RIT2: variants seen among roughly 807,000 people sequenced by gnomAD.
RIT2 encodes GTP-binding protein Rit2.
In RIT2, 24 loss-of-function variants were observed where a neutral mutation model predicts 23.7. The ratio of observed to expected loss-of-function variants is 1.01; its 90% CI spans 0.73 to 1.43. The LOEUF (loss-of-function observed/expected upper bound fraction) is 1.43. Ranked by LOEUF, RIT2 falls within the 40% of genes most tolerant of loss-of-function variation. RIT2 has a pLI of 0.00. For synonymous variants in RIT2, 107 were observed against 91.1 expected (o/e 1.17, Z -0.99); for missense variants, 236 against 266.9 (o/e 0.88, Z 0.81).
chr18:42,922,689 C>A (rs1909082114), intron 4 of RIT2, among the ~76,000 whole-genome samples: 1 of 152,024 alleles, frequency 6.6e-6, no homozygotes, highest in South Asian at 2.1e-4. Context: ...AGTGTCTGAC[C>A]AGAAGAGAAG....
intron 1 of RIT2, among the ~76,000 whole-genome samples, chr18:43,048,405 C>T (rs1229207292): frequency 6.6e-6 from 1 of 152,102 alleles, no homozygotes; most frequent in African/African-American, 2.4e-5. Flanking sequence ...AACTGTCAGT[C>T]TGGGAAAATG....
chr18:42,955,573 A>G (rs1350604305), intron 3 of RIT2, among the ~76,000 whole-genome samples: 2 of 152,202 alleles, frequency 1.3e-5, no homozygotes, highest in Admixed American at 6.5e-5. Flanking sequence ...ATAGCAAGTC[A>G]ATGTCAGAGC....
chr18:43,093,808 T>G (rs1913482103), intron 1 of RIT2, among the ~76,000 whole-genome samples: 1 of 152,064 alleles, frequency 6.6e-6, no homozygotes, highest in Non-Finnish European at 1.5e-5. Flanking sequence ...GTACTGACAC[T>G]GACTTGCAGA....
chr18:42,862,252 C>T (rs1907347661), intron 4 of RIT2, among the ~76,000 whole-genome samples: 1 of 151,946 alleles, frequency 6.6e-6, no homozygotes, highest in Non-Finnish European at 1.5e-5. Flanking sequence ...AAAAGTGGCA[C>T]TTCTCCCTTC....
chr18:42,975,264 A>G lies in RIT2; in HGVS notation c.161-1117T>C, dbSNP rs1432315387. Among the ~76,000 whole-genome samples, 3 of 152,224 alleles carry G rather than the reference A, an allele frequency of 2.0e-5. No homozygotes were observed. In the East Asian group the frequency reaches 5.8e-4, roughly 29 times the overall value. ...GTTATCAAAAGTCGTTTCTGCGTCT[A>G]TTGAGATAAATAACCATGTGGATTT... On this transcript the variant is annotated intron_variant, in intron 2 of 4. Coordinates refer to ENST00000326695, the MANE Select transcript of RIT2 (RefSeq NM_002930.4).
At chr18:43,085,542 A>G (rs1221831650) in intron 1 of RIT2, among the ~76,000 whole-genome samples, 5 of 151,830 alleles carry the variant, frequency 3.3e-5, no homozygotes, top group Admixed American at 3.3e-4. Context: ...ACCTTTCTAC[A>G]TTCTGTTTCT....
chr18:43,108,516 C>T (rs970628434), intron 1 of RIT2, among the ~76,000 whole-genome samples: 8 of 152,122 alleles, frequency 5.3e-5, no homozygotes, highest in African/African-American at 1.9e-4. Flanking sequence ...GTAAAGAGCT[C>T]AGCAACATGT....
At chr18:42,753,169 G>A (rs972541555) in intron 4 of RIT2, among the ~76,000 whole-genome samples, 7 of 152,176 alleles carry the variant, frequency 4.6e-5, no homozygotes, top group African/African-American at 1.4e-4. Context: ...AGTGGGAAGC[G>A]GCAAGCATCC....
At chr18:42,892,155 C>A (rs76941560) in intron 4 of RIT2, among the ~76,000 whole-genome samples, 402 of 152,276 alleles carry the variant, frequency 2.6e-3, no homozygotes, top group African/African-American at 8.6e-3. Flanking sequence ...CTCGCCTCCT[C>A]CAATCTACGT....
At chr18:42,984,143 CTG>C (rs1910656393) in intron 2 of RIT2, among the ~76,000 whole-genome samples, 1 of 152,068 alleles carries the variant, frequency 6.6e-6, no homozygotes, top group African/African-American at 2.4e-5. Context: ...TAGCAAAAAA[CTG>C]TACACATAGC....
At chr18:42,836,197 T>G (rs1906598262) in intron 4 of RIT2, among the ~76,000 whole-genome samples, 1 of 152,212 alleles carries the variant, frequency 6.6e-6, no homozygotes, top group Non-Finnish European at 1.5e-5. Context: ...ATCTCATACT[T>G]GACTTTCTTT....
At chr18:42,856,213 G>A (rs1598685189) in intron 4 of RIT2, among the ~76,000 whole-genome samples, 1 of 152,154 alleles carries the variant, frequency 6.6e-6, no homozygotes, top group Admixed American at 6.5e-5. Flanking sequence ...GAAATTGTAT[G>A]TGATCTACTT....
chr18:42,949,092 ACTT>A, intron 3 of RIT2: 1 of 397,420 alleles, frequency 2.5e-6, no homozygotes. Flanking sequence ...AATACTTAGA[ACTT>A]GGAGCTCTAA....
At chr18:42,932,140 A>C (rs2144146000) in intron 3 of RIT2, among the ~76,000 whole-genome samples, 1 of 152,296 alleles carries the variant, frequency 6.6e-6, no homozygotes, top group Non-Finnish European at 1.5e-5. Flanking sequence ...CTCCCTCATG[A>C]TAGAAATGAG....
In RIT2 at chr18:43,077,903, A is replaced by G. The variant is rs369435900; in HGVS notation, c.103+37514T>C. On this transcript the variant is annotated intron_variant, in intron 1 of 4. Coordinates refer to ENST00000326695, the MANE Select transcript of RIT2 (RefSeq NM_002930.4). Reference sequence around the variant, plus strand: ...ATTATGCTTCCATTTTCTGTGTAAAATGAGGCAAAATTACCTAGATGCTGA... The same window carrying G: ...ATTATGCTTCCATTTTCTGTGTAAAGTGAGGCAAAATTACCTAGATGCTGA... Among the ~76,000 whole-genome samples the G allele has an allele frequency of 3.0e-4, 45 of 152,324 alleles. No individual in the cohort carries two copies. The South Asian group carries it at 9.3e-3, about 32-fold the overall frequency.
intron 1 of RIT2, among the ~76,000 whole-genome samples, chr18:43,062,200 AG>A (rs1164134730): frequency 3.9e-5 from 6 of 152,144 alleles, no homozygotes; most frequent in Non-Finnish European, 8.8e-5. Context: ...GCAGATACTC[AG>A]GACATGGATG....
chr18:42,922,233 T>C (rs1273732538), intron 4 of RIT2, among the ~76,000 whole-genome samples: 2 of 152,152 alleles, frequency 1.3e-5, no homozygotes. Context: ...ATGAGATCTT[T>C]TCAATTTAAG....
intron 4 of RIT2, among the ~76,000 whole-genome samples, chr18:42,816,480 A>G (rs2143985306): frequency 6.6e-6 from 1 of 152,290 alleles, no homozygotes; most frequent in Admixed American, 6.5e-5. Context: ...GAAGATTTTG[A>G]GTCAAGAGAT....
Position 42,989,822 on chromosome 18 carries a change from A to G in RIT2, c.161-15675T>C, listed in dbSNP as rs530499250. Among the ~76,000 whole-genome samples, 12 of 152,312 alleles carry G rather than the reference A, an allele frequency of 7.9e-5. No homozygotes were observed. In the South Asian group the frequency reaches 2.3e-3, roughly 29 times the overall value. On this transcript the variant is annotated intron_variant, in intron 2 of 4. Transcript: ENST00000326695. ...ACAAAATAATAATTTAAAATATAAT[A>G]CAAGTGAATGTCATCCCTACTTATG...
Sources: gnomAD v4.1 joint callset for allele counts (sites outside exome capture counted in the v4.1 genomes callset) on GRCh38, gnomAD v4.1.1 for gene constraint, MANE v1.5 for transcripts, NCBI Gene and HGNC (gene_info 2026-07-23, HGNC 2026-07-21) for gene names.